The following ATAD2B variants were observed in gnomAD, a reference collection of about 807,000 sequenced individuals.
The protein encoded by ATAD2B is ATPase family AAA domain containing 2B.
ATAD2B carries 40 observed loss-of-function variants against 167.6 expected under a neutral mutation model. That is an observed-to-expected ratio of 0.24 (90% CI 0.19 to 0.31). The LOEUF (loss-of-function observed/expected upper bound fraction) is 0.31, where lower values mean the gene tolerates loss of function less well. Among genes scored for constraint, ATAD2B ranks in the 10% least tolerant of loss-of-function variants. The pLI is 1.00. For synonymous variants in ATAD2B, 579 were observed against 596.5 expected (o/e 0.97, Z 0.43); for missense variants, 1,242 against 1,757.2 (o/e 0.71, Z 5.24).
intron 19 of ATAD2B, among the ~76,000 whole-genome samples, chr2:23,792,086 G>C (rs1279550683): frequency 1.4e-5 from 2 of 147,744 alleles, no homozygotes; most frequent in East Asian, 3.9e-4. Context: ...TTTTTGAGAC[G>C]GAGTCTTGCT....
In ATAD2B at chr2:23,875,903, T is replaced by A; in HGVS notation, c.903A>T (p.Val301=). The A allele has an allele frequency of 6.3e-7, 1 of 1,597,388 alleles. No homozygotes were observed. The highest frequency in any genetic ancestry group is 8.6e-7 in the Non-Finnish European group (1 of 1,168,064). Residue 301 remains valine (V), a splice_region_variant and synonymous_variant, in exon 8 of 28, where the codon GTA becomes GTT. Transcript: ENST00000238789. ...TTTCCCTCTTTTTTTGATGAGCTGG[T>A]ACTAAAAGGGAAGAAAAGGATAATA... ...TVDRYQAPPI[V]PAHQKKRENT...
intron 1 of ATAD2B, among the ~76,000 whole-genome samples, chr2:23,906,567 T>C (rs866218582): frequency 1.3e-5 from 2 of 152,200 alleles, no homozygotes; most frequent in African/African-American, 4.8e-5. Flanking sequence ...GTTGACTTTC[T>C]GTCTCGTTGA....
downstream of ATAD2B, among the ~76,000 whole-genome samples, chr2:23,746,338 GATA>G (rs773616446): frequency 2.6e-5 from 4 of 152,132 alleles, no homozygotes; most frequent in Non-Finnish European, 5.9e-5. Flanking sequence ...GTAAAATGGG[GATA>G]ATAATAGCAC....
chr2:23,744,346 C>A (rs913735734), downstream of ATAD2B, among the ~76,000 whole-genome samples: 1 of 151,102 alleles, frequency 6.6e-6, no homozygotes, highest in Non-Finnish European at 1.5e-5. Context: ...TTATAACAAG[C>A]CTTCTAGAAC....
chr2:23,857,400 A>T lies in ATAD2B; in HGVS notation c.1568+15T>A. Reference sequence around the variant, plus strand: ...GTAAAAAAGAAATCAAGATAATCAGATAAAGAAAAATTACCTGTGGATCTG... The same window carrying T: ...GTAAAAAAGAAATCAAGATAATCAGTTAAAGAAAAATTACCTGTGGATCTG... On this transcript the variant is annotated intron_variant, in intron 13 of 27. Transcript: ENST00000238789. The T allele has an allele frequency of 2.8e-6, 4 of 1,426,696 alleles. No homozygotes were observed. The highest frequency in any genetic ancestry group is 2.8e-6 in the Non-Finnish European group (3 of 1,061,476). The allele number at this position is 1,426,696 out of a possible 1,614,324, so 88.4% of individuals were successfully genotyped here.
At chr2:23,887,001 G>A (rs1698768823) in intron 4 of ATAD2B, among the ~76,000 whole-genome samples, 1 of 151,732 alleles carries the variant, frequency 6.6e-6, no homozygotes, top group Non-Finnish European at 1.5e-5. Context: ...TGGGGTGCTG[G>A]GCACGGTGGC....
At chr2:23,788,254 C>G in intron 20 of ATAD2B, 1 of 397,282 alleles carries the variant, frequency 2.5e-6, no homozygotes, top group Non-Finnish European at 4.6e-6. Context: ...TTTTTGAGCC[C>G]CATAATGTGA....
chr2:23,761,362 A>C (rs559588642), intron 24 of ATAD2B, among the ~76,000 whole-genome samples: 19 of 152,356 alleles, frequency 1.2e-4, no homozygotes, highest in Admixed American at 4.6e-4. Flanking sequence ...AGTATCCAAA[A>C]TCCAACACTT....
chr2:23,754,070 G>A, intron 27 of ATAD2B, 109 bp downstream of exon 27: 1 of 846,172 alleles, frequency 1.2e-6, no homozygotes, highest in Non-Finnish European at 1.7e-6. Flanking sequence ...ACATTCTTCA[G>A]CTACTTGGTA....
In ATAD2B at chr2:23,837,783, A is replaced by C. The variant is rs573685251; in HGVS notation, c.1569-3705T>G. On this transcript the variant is annotated intron_variant, in intron 13 of 27. Transcript: ENST00000238789. ...TATATGACGCTTTAGTTTCTATTATATTAGATTTACATTATCGTTACACCT... is the reference window on the plus strand; with the variant it reads ...TATATGACGCTTTAGTTTCTATTATCTTAGATTTACATTATCGTTACACCT... Among the ~76,000 whole-genome samples the C allele has an allele frequency of 2.0e-5, 3 of 152,366 alleles. No homozygotes were observed. The East Asian group carries it at 5.8e-4, about 29-fold the overall frequency.
At chr2:23,828,705 A>G (rs1688603108) in intron 15 of ATAD2B, 144 bp downstream of exon 15, 1 of 545,760 alleles carries the variant, frequency 1.8e-6, no homozygotes, top group Non-Finnish European at 3.2e-6. Context: ...TGAAACAGTC[A>G]AAATAACTTT....
chr2:23,771,667 T>A (rs1678346917), intron 22 of ATAD2B, among the ~76,000 whole-genome samples: 1 of 152,226 alleles, frequency 6.6e-6, no homozygotes, highest in African/African-American at 2.4e-5. Flanking sequence ...CTCACTTCTC[T>A]TGGAATTACT....
intron 12 of ATAD2B, among the ~76,000 whole-genome samples, chr2:23,863,102 T>C (rs1247799345): frequency 1.3e-5 from 2 of 151,734 alleles, no homozygotes; most frequent in Non-Finnish European, 2.9e-5. Context: ...AGCCCAGGAG[T>C]TCGAGACCAG....
At chr2:23,698,118 T>C in the ATAD2B span, among the ~76,000 whole-genome samples, 1 of 152,156 alleles carries the variant, frequency 6.6e-6, no homozygotes, top group African/African-American at 2.4e-5. Flanking sequence ...AGACCAGGGG[T>C]TGCCTGTATG....
the ATAD2B span, chr2:23,703,609 C>T: frequency 7.5e-7 from 1 of 1,332,826 alleles, no homozygotes; most frequent in Admixed American, 2.7e-5. Flanking sequence ...CAATCAGTCA[C>T]TTGTTGGAAG....
At chr2:23,858,735 G>A (rs180936301) in intron 12 of ATAD2B, among the ~76,000 whole-genome samples, 3 of 151,974 alleles carry the variant, frequency 2.0e-5, no homozygotes, top group Admixed American at 6.6e-5. Flanking sequence ...CTTCCACCTC[G>A]GCCTGCCAAT....
At chr2:23,905,509 G>C (rs1287758576) in intron 1 of ATAD2B, among the ~76,000 whole-genome samples, 1 of 152,258 alleles carries the variant, frequency 6.6e-6, no homozygotes, top group Admixed American at 6.5e-5. Flanking sequence ...GGGTGACACA[G>C]TGAGACCCTG....
chr2:23,713,026 A>G, the ATAD2B span, among the ~76,000 whole-genome samples: 13 of 152,392 alleles, frequency 8.5e-5, no homozygotes, highest in African/African-American at 3.1e-4. Context: ...ATGAAAAGGT[A>G]TAAGCAAGTG....
the ATAD2B span, among the ~76,000 whole-genome samples, chr2:23,730,665 C>CAAA: frequency 8.1e-3 from 259 of 31,958 alleles, 29 homozygotes; most frequent in Non-Finnish European, 1.0e-2. Flanking sequence ...GACTCCGTTT[C>CAAA]AAAAAAAAAA....
Sources: gnomAD v4.1 joint callset for allele counts (sites outside exome capture counted in the v4.1 genomes callset) on GRCh38, gnomAD v4.1.1 for gene constraint, MANE v1.5 for transcripts, NCBI Gene and HGNC (gene_info 2026-07-23, HGNC 2026-07-21) for gene names.